TMEM132D: variants seen among roughly 807,000 people sequenced by gnomAD.
TMEM132D encodes the protein transmembrane protein 132D.
TMEM132D carries 21 observed loss-of-function variants against 62.3 expected under a neutral mutation model. The ratio of observed to expected loss-of-function variants is 0.34; its 90% CI spans 0.24 to 0.49. TMEM132D has a LOEUF of 0.49. TMEM132D is among the 20% of genes least tolerant of loss of function. The pLI, the probability that TMEM132D is intolerant of heterozygous loss-of-function variation, is 0.99. For missense variants in TMEM132D, 1,346 were observed against 1,402.8 expected (o/e 0.96, Z 0.65); for synonymous variants, 621 against 575.6 (o/e 1.08, Z -1.13).
At chr12:129,242,470 T>C (rs1400385886) in intron 4 of TMEM132D, among the ~76,000 whole-genome samples, 4 of 152,192 alleles carry the variant, frequency 2.6e-5, no homozygotes, top group Admixed American at 2.0e-4. Flanking sequence ...TAGTATAGTA[T>C]ATAACTTTCC....
At position 129,074,910 on chromosome 12, in the gene TMEM132D, G is replaced by A. The variant is rs2135605172; in HGVS notation, c.2265C>T (p.Ile755=). ...IHQDPKFKWP[I]IAAETEGQGT... is the part of the protein sequence containing the mutation. ...CTTGTCCTTCTGTTTCCGCAGCAATGATAGGCCACTTGAATTTGGGGTCTT... is the reference window on the plus strand; with the variant it reads ...CTTGTCCTTCTGTTTCCGCAGCAATAATAGGCCACTTGAATTTGGGGTCTT... The change falls in exon 9 of 9, where the codon ATC becomes ATT. Residue 755 remains isoleucine, a synonymous_variant. Coordinates refer to ENST00000422113, the MANE Select transcript of TMEM132D (RefSeq NM_133448.3). 6.2e-7 allele frequency: 1 copy of A among 1,613,930 alleles called. No individual in the cohort carries two copies. Among genetic ancestry groups the A allele is most frequent in the East Asian group, 2.2e-5 (1 of 44,858 alleles).
intron 3 of TMEM132D, among the ~76,000 whole-genome samples, chr12:129,432,147 ATGGATGGATGCT>A (rs1352903107): frequency 8.3e-5 from 12 of 145,112 alleles, no homozygotes; most frequent in African/African-American, 2.1e-4. Context: ...GGATGGATGG[ATGGATGGATGCT>A]TGGATGGATG....
Position 129,560,332 on chromosome 12 carries a change from C to T in TMEM132D, c.969-29127G>A, listed in dbSNP as rs189668837. ...TCACCCAGGCTGGAGTGCAGTGGCA[C>T]GATCTCGGCTCACCACAACCTCCAC... On this transcript the variant is annotated intron_variant, in intron 2 of 8. Coordinates refer to ENST00000422113, the MANE Select transcript of TMEM132D (RefSeq NM_133448.3). 2.7e-3 allele frequency among the ~76,000 whole-genome samples: 405 copies of T among 150,278 alleles called. 1 individual carries two copies. The highest frequency in any genetic ancestry group is 9.1e-3 in the African/African-American group (372 of 40,778).
chr12:129,440,735 C>T (rs1407890551), intron 3 of TMEM132D, among the ~76,000 whole-genome samples: 1 of 152,158 alleles, frequency 6.6e-6, no homozygotes, highest in African/African-American at 2.4e-5. Flanking sequence ...TTTTACTTCC[C>T]TCTCGAACGC....
intron 3 of TMEM132D, among the ~76,000 whole-genome samples, chr12:129,360,179 G>A (rs563538429): frequency 3.2e-4 from 49 of 152,138 alleles, no homozygotes; most frequent in Admixed American, 1.2e-3. Context: ...AGGAAACCCC[G>A]GTGATGATGA....
At chr12:129,890,989 A>T (rs1036228728) in intron 1 of TMEM132D, among the ~76,000 whole-genome samples, 3 of 152,090 alleles carry the variant, frequency 2.0e-5, no homozygotes, top group African/African-American at 7.2e-5. Flanking sequence ...CGAATCAGGG[A>T]ACTCTCATTC....
At chr12:129,884,280 A>G (rs1281399576) in intron 1 of TMEM132D, among the ~76,000 whole-genome samples, 2 of 152,224 alleles carry the variant, frequency 1.3e-5, no homozygotes, top group Non-Finnish European at 2.9e-5. Context: ...CTTCTAAATA[A>G]AAAGTCTTCT....
intron 1 of TMEM132D, among the ~76,000 whole-genome samples, chr12:129,741,785 T>A (rs1869617798): frequency 6.6e-6 from 1 of 152,232 alleles, no homozygotes; most frequent in African/African-American, 2.4e-5. Context: ...TCTTGGGGGC[T>A]TAAGTAGCTT....
intron 2 of TMEM132D, among the ~76,000 whole-genome samples, chr12:129,662,176 C>G (rs1276227483): frequency 2.0e-5 from 3 of 152,128 alleles, no homozygotes; most frequent in Admixed American, 2.0e-4. Flanking sequence ...CTATAAATCC[C>G]AGAAAGAGGA....
At chr12:129,586,909 A>G (rs558031154) in intron 2 of TMEM132D, among the ~76,000 whole-genome samples, 1 of 152,230 alleles carries the variant, frequency 6.6e-6, no homozygotes, top group East Asian at 1.9e-4. Context: ...AATATGAGAT[A>G]GATACCATGA....
intron 5 of TMEM132D, among the ~76,000 whole-genome samples, chr12:129,206,390 T>C (rs559574778): frequency 6.6e-6 from 1 of 152,254 alleles, no homozygotes; most frequent in South Asian, 2.1e-4. Flanking sequence ...TGCAAATCAA[T>C]ACCACAATGA....
chr12:129,178,866 T>G (rs1009078823), intron 5 of TMEM132D, among the ~76,000 whole-genome samples: 1 of 152,172 alleles, frequency 6.6e-6, no homozygotes, highest in African/African-American at 2.4e-5. Flanking sequence ...GTGGCTGCTG[T>G]GGGTCAAAGG....
At chr12:129,312,534 T>A (rs1373802076) in intron 4 of TMEM132D, among the ~76,000 whole-genome samples, 3 of 152,208 alleles carry the variant, frequency 2.0e-5, no homozygotes, top group Non-Finnish European at 4.4e-5. Context: ...TGCTGTATAT[T>A]AAGAATTTTT....
intron 1 of TMEM132D, among the ~76,000 whole-genome samples, chr12:129,864,430 T>C (rs1409958448): frequency 6.6e-6 from 1 of 152,186 alleles, no homozygotes; most frequent in Non-Finnish European, 1.5e-5. Context: ...GGTAGTCTGT[T>C]TTATAGCAAT....
intron 1 of TMEM132D, among the ~76,000 whole-genome samples, chr12:129,800,576 G>T (rs1257687003): frequency 2.0e-5 from 3 of 152,138 alleles, no homozygotes; most frequent in African/African-American, 7.2e-5. Flanking sequence ...CCTATAATAG[G>T]TGGGTACCCC....
intron 5 of TMEM132D, among the ~76,000 whole-genome samples, chr12:129,136,925 CCAT>C (rs777315786): frequency 2.9e-4 from 42 of 142,992 alleles, no homozygotes; most frequent in African/African-American, 8.3e-4. Context: ...CATACCACCA[CCAT>C]CATCATCATC....
intron 1 of TMEM132D, among the ~76,000 whole-genome samples, chr12:129,768,068 C>T (rs1258343559): frequency 1.3e-5 from 2 of 152,146 alleles, no homozygotes; most frequent in African/African-American, 4.8e-5. Flanking sequence ...TCAGTTACCT[C>T]CTACCTGGTC....
At chr12:129,502,526 G>A (rs1442990372) in intron 3 of TMEM132D, among the ~76,000 whole-genome samples, 4 of 151,554 alleles carry the variant, frequency 2.6e-5, no homozygotes, top group Non-Finnish European at 4.4e-5. Flanking sequence ...TATTGACTTC[G>A]GGCATAACTA....
intron 3 of TMEM132D, among the ~76,000 whole-genome samples, chr12:129,388,499 T>C (rs113795433): frequency 5.9e-4 from 35 of 59,198 alleles, no homozygotes; most frequent in South Asian, 1.1e-3. Flanking sequence ...TAAACACTAA[T>C]AGCAACACCA....
Sources: gnomAD v4.1 joint callset for allele counts (sites outside exome capture counted in the v4.1 genomes callset) on GRCh38, gnomAD v4.1.1 for gene constraint, MANE v1.5 for transcripts, NCBI Gene and HGNC (gene_info 2026-07-23, HGNC 2026-07-21) for gene names.